VAV3: variants seen among roughly 807,000 people sequenced by gnomAD.
VAV3 encodes the protein guanine nucleotide exchange factor VAV3.
Under a neutral mutation model 131.2 loss-of-function variants are expected in VAV3, and 94 were observed. That is an observed-to-expected ratio of 0.72 (90% confidence interval 0.61 to 0.85). The LOEUF (loss-of-function observed/expected upper bound fraction) is 0.85, where lower values mean the gene tolerates loss of function less well. VAV3 is among the 40% of genes least tolerant of loss of function. The pLI, the probability that VAV3 is intolerant of heterozygous loss-of-function variation, is 0.00. For missense variants in VAV3, 939 were observed against 1,002.7 expected, an observed-to-expected ratio of 0.94 and a Z score of 0.86; for synonymous variants, 349 against 342.0, an observed-to-expected ratio of 1.02 and a Z score of -0.22.
At chr1:107,799,807 T>C (rs915162025) in intron 2 of VAV3, among the ~76,000 whole-genome samples, 6 of 152,196 alleles carry the variant, frequency 3.9e-5, no homozygotes, top group African/African-American at 1.4e-4. Context: ...TATCAAATTG[T>C]ATATCTGTAG....
rs11441971 is a variant in VAV3, at chr1:107,891,149, TA to T, written c.205-16133del. On this transcript the variant is annotated intron_variant, in intron 1 of 26. Coordinates refer to ENST00000370056, the MANE Select transcript of VAV3 (RefSeq NM_006113.5). ...CAATTATTGCTAGTGTCCCTTTCTT[TA>T]AAAAAAAAAAAAATCTGATTTGGAC... Among the ~76,000 whole-genome samples, 246 of 147,274 alleles carry T rather than the reference TA, an allele frequency of 1.7e-3. 1 individual carries two copies. Among genetic ancestry groups the T allele is most frequent in the East Asian group, 0.013 (66 of 5,032 alleles).
chr1:107,833,382 G>C (rs77346255), intron 2 of VAV3, among the ~76,000 whole-genome samples: 14,269 of 152,174 alleles, frequency 0.094, 852 homozygotes, highest in East Asian at 0.26. Flanking sequence ...TAGAAGAAAA[G>C]TTTGAAGCTA....
chr1:107,702,420 C>T (rs12057750), intron 17 of VAV3, among the ~76,000 whole-genome samples: 2,472 of 152,182 alleles, frequency 0.016, 59 homozygotes, highest in African/African-American at 0.056. Flanking sequence ...GGGAAGAAAC[C>T]AATACTTACA....
rs773932363 is a variant in VAV3 at position 107,766,476 on chromosome 1, C to T, written c.792G>A (p.Leu264=). The change falls in exon 8 of 27, where the codon TTG becomes TTA. Residue 264 remains leucine (L), a synonymous_variant. Coordinates refer to ENST00000370056, the MANE Select transcript of VAV3 (RefSeq NM_006113.5). ...CCTTGTAGTTAATAAAAACTTGGTACAAGTTCTGGTCATTTTTATTTACAA... is the reference window on the plus strand; with the variant it reads ...CCTTGTAGTTAATAAAAACTTGGTATAAGTTCTGGTCATTTTTATTTACAA... ...DSIVNKNDQN[L]YQVFINYKER... 1 of 1,613,158 alleles carries T rather than the reference C, an allele frequency of 6.2e-7. No homozygotes were observed. Among genetic ancestry groups the T allele is most frequent in the South Asian group, 1.1e-5 (1 of 90,952 alleles).
intron 2 of VAV3, among the ~76,000 whole-genome samples, chr1:107,861,713 G>T (rs1383831757): frequency 6.6e-6 from 1 of 151,418 alleles, no homozygotes; most frequent in African/African-American, 2.4e-5. Context: ...TTATAAATAT[G>T]CAGCTACTTT....
chr1:107,945,396 GTTAT>G (rs1262017996), intron 1 of VAV3, among the ~76,000 whole-genome samples: 2 of 152,136 alleles, frequency 1.3e-5, no homozygotes, highest in Admixed American at 1.3e-4. Flanking sequence ...ACTAATAACA[GTTAT>G]TATATAGTTA....
chr1:107,693,742 T>C (rs1456571772), intron 17 of VAV3, among the ~76,000 whole-genome samples: 4 of 152,152 alleles, frequency 2.6e-5, no homozygotes, highest in African/African-American at 9.7e-5. Flanking sequence ...CCTCTGAACT[T>C]GGTACTAAGG....
chr1:107,880,299 T>C (rs1670703049), intron 1 of VAV3, among the ~76,000 whole-genome samples: 1 of 152,128 alleles, frequency 6.6e-6, no homozygotes, highest in African/African-American at 2.4e-5. Flanking sequence ...TTTCCAGACT[T>C]GCAGTGAGAG....
At chr1:107,669,262 T>C (rs1267765804) in intron 19 of VAV3, 6 of 1,264,854 alleles carry the variant, frequency 4.7e-6, no homozygotes, top group Non-Finnish European at 6.1e-6. Flanking sequence ...ATAGGATCTC[T>C]TCTTTATCCT....
At chr1:107,786,563 T>C (rs987519303) in intron 2 of VAV3, among the ~76,000 whole-genome samples, 5 of 152,246 alleles carry the variant, frequency 3.3e-5, no homozygotes, top group African/African-American at 1.2e-4. Flanking sequence ...GAATGTCCTA[T>C]ACTTCTGCTG....
chr1:107,826,450 A>G (rs1668018643), intron 2 of VAV3, among the ~76,000 whole-genome samples: 1 of 151,590 alleles, frequency 6.6e-6, no homozygotes, highest in African/African-American at 2.4e-5. Context: ...AACAGCGATA[A>G]TAAGAATATG....
chr1:107,696,527 G>A (rs1659759193), intron 17 of VAV3, among the ~76,000 whole-genome samples: 2 of 152,054 alleles, frequency 1.3e-5, no homozygotes, highest in African/African-American at 4.8e-5. Flanking sequence ...TGGATCACAA[G>A]TGGACTCCTG....
rs1164985019 is a variant in VAV3 at position 107,571,683 on chromosome 1, T to C, written c.*1648A>G. On this transcript the variant is annotated 3_prime_UTR_variant, in exon 27 of 27. Coordinates refer to ENST00000370056, the MANE Select transcript of VAV3 (RefSeq NM_006113.5). ...TTATTGTACAGAACATTTTATAAAA[T>C]ACATTTTTGTGATCATTTACACATA... is the stretch of plus-strand genomic sequence containing the variant. 1 of 152,654 alleles carries C rather than the reference T, an allele frequency of 6.6e-6. No homozygotes were observed. Among genetic ancestry groups the C allele is most frequent in the Non-Finnish European group, 1.5e-5 (1 of 68,028 alleles). The allele number at this position is 152,654 out of a possible 1,614,324, so 9.5% of individuals were successfully genotyped here. A position where few individuals can be genotyped will look rare whatever the true frequency, so the allele number is the denominator to read the frequency against.
chr1:107,865,845 G>T (rs1476156390), intron 2 of VAV3, among the ~76,000 whole-genome samples: 1 of 152,126 alleles, frequency 6.6e-6, no homozygotes, highest in Non-Finnish European at 1.5e-5. Context: ...CTTCCTGATG[G>T]TCCACACCTG....
Position 107,749,580 on chromosome 1 carries a change from A to G in VAV3, c.1274T>C (p.Phe425Ser). Residue 425 changes from phenylalanine (F) to serine (S), a missense_variant, in exon 14 of 27, where the codon TTT (phenylalanine) becomes TCT (serine). Phe to Ser is a radical substitution (Grantham distance 155, BLOSUM62 -2). Coordinates refer to ENST00000370056, the MANE Select transcript of VAV3 (RefSeq NM_006113.5). Reference sequence around the variant, plus strand: ...CTTACATACGATCACTGCCAAATCAAATAAGAAGATATGCCTGGGAAAAAG... The same window carrying G: ...CTTACATACGATCACTGCCAAATCAGATAAGAAGATATGCCTGGGAAAAAG... The part of the protein sequence containing the change: ...HTKQERHIFL[F>S]DLAVIVCKRK... 1 of 1,610,418 alleles carries G rather than the reference A, an allele frequency of 6.2e-7. No individual in the cohort carries two copies. Among genetic ancestry groups the G allele is most frequent in the East Asian group, 2.2e-5 (1 of 44,728 alleles).
At chr1:107,899,536 G>A (rs1671761558) in intron 1 of VAV3, among the ~76,000 whole-genome samples, 1 of 152,166 alleles carries the variant, frequency 6.6e-6, no homozygotes, top group African/African-American at 2.4e-5. Flanking sequence ...ACTACACATT[G>A]AGGGAAGGTT....
intron 19 of VAV3, among the ~76,000 whole-genome samples, chr1:107,682,846 A>C (rs1658744573): frequency 6.6e-6 from 1 of 152,214 alleles, no homozygotes. Context: ...CAACAAAAGG[A>C]TCACATACAT....
chr1:107,936,936 C>T (rs1256767225), intron 1 of VAV3, among the ~76,000 whole-genome samples: 1 of 152,094 alleles, frequency 6.6e-6, no homozygotes. Context: ...TGAGAGGGCA[C>T]CCCTTTTACT....
At chr1:107,842,655 A>T (rs1668776938) in intron 2 of VAV3, among the ~76,000 whole-genome samples, 1 of 152,070 alleles carries the variant, frequency 6.6e-6, no homozygotes, top group Non-Finnish European at 1.5e-5. Flanking sequence ...CTTTTTTTTA[A>T]AACTTAGTTA....
Sources: allele counts gnomAD v4.1 joint callset (sites outside exome capture counted in the v4.1 genomes callset), GRCh38; gene constraint gnomAD v4.1.1; transcripts MANE v1.5; gene names NCBI Gene and HGNC (gene_info 2026-07-23, HGNC 2026-07-21).